Variants in FAM107B observed in about 807,000 individuals in gnomAD.
The protein encoded by FAM107B is protein FAM107B.
In FAM107B, 21 loss-of-function variants were observed where a neutral mutation model predicts 31.5. That is an observed-to-expected ratio of 0.67 (90% CI 0.47 to 0.96). The LOEUF is 0.96. Among genes scored for constraint, FAM107B ranks in the 40% least tolerant of loss-of-function variants. The pLI is 0.00. For synonymous variants in FAM107B, 157 were observed against 141.5 expected, an observed-to-expected ratio of 1.11 and a Z score of -0.78; for missense variants, 452 against 377.1, an observed-to-expected ratio of 1.20 and a Z score of -1.64.
chr10:14,685,028 C>T (rs993578440), intron 1 of FAM107B, among the ~76,000 whole-genome samples: 4 of 151,952 alleles, frequency 2.6e-5, no homozygotes, highest in African/African-American at 9.7e-5. Context: ...ATGGGGTCTC[C>T]CTATCAATGC....
At position 14,645,789 on chromosome 10, in the gene FAM107B, T is replaced by A. The variant is rs114942056; in HGVS notation, c.469+21845A>T. On this transcript the variant is annotated intron_variant, in intron 2 of 4. Coordinates refer to ENST00000181796, the MANE Select transcript of FAM107B (RefSeq NM_031453.4). ...CTCCCAGATAAATTCTCTCCCTGAT[T>A]TCTGTTATATGTCACTTTGGCTGAC... is the stretch of plus-strand genomic sequence containing the variant. 2.4e-3 allele frequency among the ~76,000 whole-genome samples: 369 copies of A among 152,348 alleles called. 3 individuals carry two copies. Among genetic ancestry groups the A allele is most frequent in the African/African-American group, 8.6e-3 (356 of 41,586 alleles).
At chr10:14,659,956 G>A (rs555465558) in intron 2 of FAM107B, among the ~76,000 whole-genome samples, 1 of 152,094 alleles carries the variant, frequency 6.6e-6, no homozygotes, top group Admixed American at 6.5e-5. Flanking sequence ...TTAACTGTTT[G>A]GGGTTCGTTA....
chr10:14,596,942 C>A (rs535435589), intron 2 of FAM107B, among the ~76,000 whole-genome samples: 2 of 152,252 alleles, frequency 1.3e-5, no homozygotes, highest in African/African-American at 4.8e-5. Flanking sequence ...GAAGACGACG[C>A]TGGGAAACAG....
At chr10:14,750,866 G>C (rs1467021931) in intron 1 of FAM107B, among the ~76,000 whole-genome samples, 1 of 152,160 alleles carries the variant, frequency 6.6e-6, no homozygotes, top group Admixed American at 6.5e-5. Flanking sequence ...GAGAGGGATG[G>C]GACAGAGTGG....
At chr10:14,729,801 A>G (rs961792531) in intron 1 of FAM107B, among the ~76,000 whole-genome samples, 2 of 152,252 alleles carry the variant, frequency 1.3e-5, no homozygotes, top group African/African-American at 4.8e-5. Flanking sequence ...ATGCCCATCA[A>G]TGATAGACCG....
At chr10:14,636,249 T>C (rs912991030) in intron 2 of FAM107B, among the ~76,000 whole-genome samples, 2 of 141,634 alleles carry the variant, frequency 1.4e-5, no homozygotes, top group Non-Finnish European at 3.0e-5. Flanking sequence ...TTTGCCATAG[T>C]GTGACTCTTA....
chr10:14,547,893 A>T (rs1204505979), intron 2 of FAM107B, among the ~76,000 whole-genome samples: 1 of 152,248 alleles, frequency 6.6e-6, no homozygotes, highest in Admixed American at 6.5e-5. Context: ...GGACAGGGAC[A>T]CATCTCTGTC....
At chr10:14,688,091 A>G (rs2131504373) in intron 1 of FAM107B, among the ~76,000 whole-genome samples, 1 of 152,334 alleles carries the variant, frequency 6.6e-6, no homozygotes, top group East Asian at 1.9e-4. Context: ...AGGCAGGAGA[A>G]ATTGGGAGAA....
chr10:14,616,944 G>A (rs1259165510), intron 2 of FAM107B, among the ~76,000 whole-genome samples: 1 of 151,734 alleles, frequency 6.6e-6, no homozygotes, highest in East Asian at 1.9e-4. Flanking sequence ...AAATAAAAGA[G>A]AGAGAGAGAG....
At chr10:14,738,071 T>C (rs1181249867) in intron 1 of FAM107B, among the ~76,000 whole-genome samples, 4 of 152,162 alleles carry the variant, frequency 2.6e-5, no homozygotes, top group Non-Finnish European at 5.9e-5. Flanking sequence ...CATTGGAATT[T>C]ACTATATTTA....
At chr10:14,718,997 G>C (rs182892375) in intron 1 of FAM107B, among the ~76,000 whole-genome samples, 1 of 152,312 alleles carries the variant, frequency 6.6e-6, no homozygotes, top group East Asian at 1.9e-4. Context: ...GGACAGTCCT[G>C]AGATTTTACT....
intron 2 of FAM107B, among the ~76,000 whole-genome samples, chr10:14,626,454 A>G (rs1853164245): frequency 6.6e-6 from 1 of 150,518 alleles, no homozygotes; most frequent in Admixed American, 6.6e-5. Flanking sequence ...TAGTTATCAC[A>G]GGACCTGACT....
At chr10:14,552,635 G>A (rs1029318935) in intron 2 of FAM107B, among the ~76,000 whole-genome samples, 1 of 152,060 alleles carries the variant, frequency 6.6e-6, no homozygotes, top group Admixed American at 6.6e-5. Flanking sequence ...CCAGGAGTTC[G>A]AGACCAGCAT....
At position 14,738,906 on chromosome 10, in the gene FAM107B, T is replaced by C. The variant is rs868813414; in HGVS notation, c.411+35347A>G. ...AATGAATTTATTTTGCTCACAACTTTGTGGGTCAGGAATTTGGAAAGGACT... is the reference window on the plus strand; with the variant it reads ...AATGAATTTATTTTGCTCACAACTTCGTGGGTCAGGAATTTGGAAAGGACT... On this transcript the variant is annotated intron_variant, in intron 1 of 4. Transcript: ENST00000181796. Among the ~76,000 whole-genome samples the C allele has an allele frequency of 2.6e-5, 4 of 152,348 alleles. No homozygotes were observed. In the South Asian group the frequency reaches 8.3e-4, roughly 32 times the overall value.
chr10:14,609,565 A>G (rs1163252183), intron 2 of FAM107B, among the ~76,000 whole-genome samples: 8 of 152,084 alleles, frequency 5.3e-5, no homozygotes, highest in Non-Finnish European at 8.8e-5. Flanking sequence ...TATGCTTCCA[A>G]TCTCTGACTT....
chr10:14,677,722 C>G (rs1157847488), intron 1 of FAM107B, among the ~76,000 whole-genome samples: 1 of 152,112 alleles, frequency 6.6e-6, no homozygotes, highest in Non-Finnish European at 1.5e-5. Context: ...ACCATCTTAA[C>G]TTGCTCAGGA....
chr10:14,718,492 G>A (rs2095066927), intron 1 of FAM107B, among the ~76,000 whole-genome samples: 1 of 140,022 alleles, frequency 7.1e-6, no homozygotes, highest in Admixed American at 7.1e-5. Context: ...GGGAGAGAAG[G>A]AAGGAAGGAA....
At chr10:14,530,052 C>T (rs535181235) in intron 3 of FAM107B, 1 of 317,018 alleles carries the variant, frequency 3.2e-6, no homozygotes, top group East Asian at 6.4e-5. Flanking sequence ...TTTAATCCAG[C>T]CTCTTCCATC....
chr10:14,739,449 G>A (rs1856384896), intron 1 of FAM107B, among the ~76,000 whole-genome samples: 1 of 152,204 alleles, frequency 6.6e-6, no homozygotes, highest in African/African-American at 2.4e-5. Context: ...TTACCTGCCA[G>A]GCATCCATGA....
Sources: allele counts gnomAD v4.1 joint callset (sites outside exome capture counted in the v4.1 genomes callset), GRCh38; gene constraint gnomAD v4.1.1; transcripts MANE v1.5; gene names NCBI Gene and HGNC (gene_info 2026-07-23, HGNC 2026-07-21).